Variants in GALNT1 observed in about 807,000 individuals in gnomAD.
GALNT1 encodes GalNAc transferase 1.
GALNT1 carries 17 observed loss-of-function variants against 65.7 expected under a neutral mutation model. The observed-to-expected ratio is 0.26, with a 90% CI of 0.18 to 0.39. GALNT1 has a LOEUF of 0.39. GALNT1 is among the 10% of genes least tolerant of loss of function. The pLI is 1.00. For synonymous variants in GALNT1, 210 were observed against 219.7 expected (o/e 0.96, Z 0.39); for missense variants, 460 against 672.8 (o/e 0.68, Z 3.50).
At chr18:35,601,107 A>C (rs1236953278) in intron 1 of GALNT1, among the ~76,000 whole-genome samples, 1 of 151,984 alleles carries the variant, frequency 6.6e-6, no homozygotes, top group East Asian at 1.9e-4. Context: ...TTTTATTTAC[A>C]GATTTAATCT....
At chr18:35,608,056 G>T (rs2046673542) in intron 1 of GALNT1, among the ~76,000 whole-genome samples, 1 of 151,814 alleles carries the variant, frequency 6.6e-6, no homozygotes, top group Non-Finnish European at 1.5e-5. Flanking sequence ...CTATACAGCA[G>T]TTTTTATATT....
At chr18:35,584,883 A>G (rs779624235) in intron 1 of GALNT1, among the ~76,000 whole-genome samples, 98 of 152,192 alleles carry the variant, frequency 6.4e-4, no homozygotes, top group Non-Finnish European at 8.4e-4. Context: ...CCAGGTTTCT[A>G]ACAGGCCACA....
At chr18:35,692,073 C>G (rs1466879320) in intron 8 of GALNT1, 108 bp from the exon 9 acceptor site, 2 of 913,864 alleles carry the variant, frequency 2.2e-6, no homozygotes, top group East Asian at 2.7e-5. Flanking sequence ...CACATATCAC[C>G]CAGCTGATAC....
intron 1 of GALNT1, among the ~76,000 whole-genome samples, chr18:35,611,307 GAT>G (rs1166089744): frequency 8.5e-5 from 13 of 152,072 alleles, no homozygotes; most frequent in African/African-American, 2.7e-4. Context: ...TTGGCCAAGG[GAT>G]TGATACCTCT....
At chr18:35,611,847 C>T (rs1321240053) in intron 1 of GALNT1, among the ~76,000 whole-genome samples, 1 of 152,162 alleles carries the variant, frequency 6.6e-6, no homozygotes, top group Non-Finnish European at 1.5e-5. Flanking sequence ...CTGTGTAAAA[C>T]TGTTTCTAAT....
chr18:35,611,187 G>A (rs2046711529), intron 1 of GALNT1, among the ~76,000 whole-genome samples: 1 of 152,176 alleles, frequency 6.6e-6, no homozygotes, highest in South Asian at 2.1e-4. Flanking sequence ...TAAAGGTGGA[G>A]CTGTTTTGGT....
intron 1 of GALNT1, among the ~76,000 whole-genome samples, chr18:35,623,353 T>A (rs913776162): frequency 6.6e-6 from 1 of 152,204 alleles, no homozygotes; most frequent in African/African-American, 2.4e-5. Context: ...ATTTTGTCTT[T>A]CTTTATCTTT....
In GALNT1 at chr18:35,652,628, A is replaced by G. The variant is rs184945632; in HGVS notation, c.-103-1932A>G. Among the ~76,000 whole-genome samples the G allele has an allele frequency of 2.6e-5, 4 of 152,158 alleles. No homozygotes were observed. In the East Asian group the frequency reaches 7.7e-4, roughly 29 times the overall value. ...GATGATTTAGTCCGTATTTCCTTTC[A>G]TTGTTGCATTACCATCATCTGTCTA... On this transcript the variant is annotated intron_variant, in intron 1 of 11. Coordinates refer to ENST00000269195, the MANE Select transcript of GALNT1 (RefSeq NM_020474.4).
Position 35,710,924 on chromosome 18 carries a change from TTTAGA to T in GALNT1, c.*1163_*1167del, listed in dbSNP as rs556987887. 30 of 152,800 alleles carry T rather than the reference TTTAGA, an allele frequency of 2.0e-4. No homozygotes were observed. In the East Asian group the frequency reaches 5.0e-3, roughly 25 times the overall value. The allele number at this position is 152,800 out of a possible 1,614,324, so 9.5% of individuals were successfully genotyped here. On this transcript the variant is annotated 3_prime_UTR_variant, in exon 12 of 12. Transcript: ENST00000269195. ...GATATGCTTCATTGTCAAATGCATA[TTTAGA>T]TTAGATTATTGAATTGTAATGTTTA...
intron 1 of GALNT1, among the ~76,000 whole-genome samples, chr18:35,616,146 CAGA>C (rs1364650295): frequency 2.0e-5 from 3 of 152,124 alleles, no homozygotes; most frequent in Non-Finnish European, 4.4e-5. Flanking sequence ...TAAAAGGTAG[CAGA>C]AGAATACATT....
At chr18:35,662,132 T>C (rs1367192214) in intron 2 of GALNT1, among the ~76,000 whole-genome samples, 2 of 150,732 alleles carry the variant, frequency 1.3e-5, no homozygotes, top group Non-Finnish European at 3.0e-5. Flanking sequence ...CTTTAAAGGC[T>C]GATTTTATAT....
chr18:35,661,653 G>A (rs536192459), intron 2 of GALNT1, among the ~76,000 whole-genome samples: 19 of 152,126 alleles, frequency 1.2e-4, no homozygotes, highest in African/African-American at 4.1e-4. Flanking sequence ...AGAAATTGAG[G>A]TATTTCTCTT....
intron 11 of GALNT1, among the ~76,000 whole-genome samples, 197 bp from the exon 12 acceptor site, chr18:35,709,427 T>C (rs1425357817): frequency 7.5e-6 from 1 of 133,858 alleles, no homozygotes; most frequent in Non-Finnish European, 1.6e-5. Flanking sequence ...GACCTACATA[T>C]CTACCTACTT....
At chr18:35,653,425 G>A (rs533280642) in intron 1 of GALNT1, among the ~76,000 whole-genome samples, 1 of 152,300 alleles carries the variant, frequency 6.6e-6, no homozygotes, top group Admixed American at 6.5e-5. Flanking sequence ...GGCCACCATG[G>A]AACTTGTTGC....
intron 1 of GALNT1, among the ~76,000 whole-genome samples, chr18:35,641,391 C>T (rs2047161403): frequency 6.6e-6 from 1 of 152,176 alleles, no homozygotes; most frequent in Admixed American, 6.5e-5. Flanking sequence ...CTTCAGTGAG[C>T]CATGATTGTG....
intron 1 of GALNT1, among the ~76,000 whole-genome samples, chr18:35,586,684 G>A (rs2046381811): frequency 6.6e-6 from 1 of 152,168 alleles, no homozygotes; most frequent in African/African-American, 2.4e-5. Context: ...TGAAAAGGCT[G>A]TCATTCCTCC....
chr18:35,644,783 G>A (rs934132247), intron 1 of GALNT1, among the ~76,000 whole-genome samples: 1 of 152,036 alleles, frequency 6.6e-6, no homozygotes, highest in African/African-American at 2.4e-5. Flanking sequence ...TTCAGGTGAC[G>A]CGTTTGAGAC....
intron 1 of GALNT1, among the ~76,000 whole-genome samples, chr18:35,593,894 T>C (rs2046474112): frequency 6.6e-6 from 1 of 151,856 alleles, no homozygotes; most frequent in South Asian, 2.1e-4. Context: ...TTTTTAGTAG[T>C]GACGGGGGTT....
chr18:35,702,906 G>A lies in GALNT1; in HGVS notation c.1309G>A (p.Val437Met), dbSNP rs774927948. The A allele has an allele frequency of 1.4e-5, 22 of 1,594,748 alleles. No individual in the cohort carries two copies. The highest frequency in any genetic ancestry group is 1.8e-5 in the Non-Finnish European group (21 of 1,174,322). The change falls in exon 10 of 12, where the codon GTG becomes ATG. Residue 437 changes from valine to methionine, a missense_variant. Val to Met is a conservative substitution (Grantham distance 21, BLOSUM62 1). Coordinates refer to ENST00000269195, the MANE Select transcript of GALNT1 (RefSeq NM_020474.4). The part of the protein sequence containing the change: ...HYFSLGEIRN[V>M]ETNQCLDNMA... ...ATTTATTGTCCCATAGATACGAAATGTGGAAACGAATCAGTGTCTAGATAA... is the reference window on the plus strand; with the variant it reads ...ATTTATTGTCCCATAGATACGAAATATGGAAACGAATCAGTGTCTAGATAA...
Sources: allele counts gnomAD v4.1 joint callset (sites outside exome capture counted in the v4.1 genomes callset), GRCh38; gene constraint gnomAD v4.1.1; transcripts MANE v1.5; gene names NCBI Gene and HGNC (gene_info 2026-07-23, HGNC 2026-07-21).